LIFR: variants seen among roughly 807,000 people sequenced by gnomAD.
The protein encoded by LIFR is LIF receptor subunit alpha.
A neutral mutation model predicts 122.2 loss-of-function variants in LIFR; 84 were observed. The ratio of observed to expected loss-of-function variants is 0.69; its 90% CI spans 0.58 to 0.82. The LOEUF is 0.82. Among genes scored for constraint, LIFR ranks in the 40% least tolerant of loss-of-function variants. The probability of loss-of-function intolerance (pLI) is 0.00; values close to 1 mark genes in which losing one functional copy is unlikely to be tolerated. For missense variants in LIFR, 1,294 were observed against 1,311.6 expected (o/e 0.99, Z 0.21); for synonymous variants, 422 against 434.7 (o/e 0.97, Z 0.36).
chr5:38,475,639 T>C lies in LIFR; in HGVS notation c.*5956A>G, dbSNP rs1368250857. ...AAAAAAACATTCATTCTACAAACCT[T>C]ATAAAAGACAGAAACTTATATCTGT... On this transcript the variant is annotated 3_prime_UTR_variant, in exon 20 of 20. Transcript: ENST00000453190. 1.1e-5 allele frequency: 2 copies of C among 185,536 alleles called. No homozygotes were observed. The highest frequency in any genetic ancestry group is 1.1e-5 in the Non-Finnish European group (1 of 87,490). The allele number at this position is 185,536 out of a possible 1,614,324, so 11.5% of individuals were successfully genotyped here. A position where few individuals can be genotyped will look rare whatever the true frequency, so the allele number is the denominator to read the frequency against.
intron 1 of LIFR, among the ~76,000 whole-genome samples, chr5:38,545,309 T>C (rs1276972691): frequency 6.6e-6 from 1 of 152,052 alleles, no homozygotes; most frequent in Non-Finnish European, 1.5e-5. Flanking sequence ...AGACAGAATG[T>C]ACATACGGTT....
intron 12 of LIFR, among the ~76,000 whole-genome samples, chr5:38,498,097 A>G (rs1189897147): frequency 6.6e-6 from 1 of 152,208 alleles, no homozygotes. Flanking sequence ...TCTCTGGTCA[A>G]GACTGAGGAT....
intron 1 of LIFR, among the ~76,000 whole-genome samples, chr5:38,561,653 C>A (rs1325813448): frequency 6.6e-6 from 1 of 152,188 alleles, no homozygotes; most frequent in Non-Finnish European, 1.5e-5. Context: ...TAAATATTTG[C>A]TGTGAATGTT....
At chr5:38,602,493 C>G (rs1750239695) in intron 2 of LIFR, among the ~76,000 whole-genome samples, 1 of 150,090 alleles carries the variant, frequency 6.7e-6, no homozygotes. Context: ...GAGGCCTTCT[C>G]TTTTCTTTTT....
At chr5:38,506,462 G>A (rs1745488267) in intron 8 of LIFR, 41 bp downstream of exon 8, 12 of 1,611,478 alleles carry the variant, frequency 7.4e-6, no homozygotes, top group African/African-American at 2.7e-5. Context: ...CACTTCCAAC[G>A]TACTCCTTGC....
chr5:38,591,008 T>C (rs1287481970), intron 1 of LIFR, among the ~76,000 whole-genome samples: 3 of 152,198 alleles, frequency 2.0e-5, no homozygotes, highest in African/African-American at 7.2e-5. Context: ...CAAATGATGA[T>C]ATAAATAAAT....
At chr5:38,530,485 C>G in intron 2 of LIFR, 21 bp downstream of exon 2, 1 of 1,602,338 alleles carries the variant, frequency 6.2e-7, no homozygotes, top group Admixed American at 1.7e-5. Context: ...TGTTCATTCT[C>G]TGGAAGGCTG....
At chr5:38,497,087 G>A (rs1744922205) in intron 12 of LIFR, among the ~76,000 whole-genome samples, 1 of 152,198 alleles carries the variant, frequency 6.6e-6, no homozygotes, top group Admixed American at 6.5e-5. Context: ...CATGAGGTCA[G>A]CAGTTCGAGA....
intron 5 of LIFR, among the ~76,000 whole-genome samples, chr5:38,522,296 G>A (rs1180298109): frequency 2.0e-5 from 3 of 152,186 alleles, no homozygotes; most frequent in East Asian, 1.9e-4. Flanking sequence ...CACTGCTGGT[G>A]TTCTGCTGGC....
chr5:38,506,401 CTTGT>C (rs1370526707), intron 8 of LIFR, 98 bp downstream of exon 8: 3 of 1,408,968 alleles, frequency 2.1e-6, no homozygotes, highest in Non-Finnish European at 3.0e-6. Context: ...GGTTTTATAT[CTTGT>C]TTGTAACATA....
At chr5:38,553,648 A>G (rs1257764104) in intron 1 of LIFR, among the ~76,000 whole-genome samples, 2 of 102,202 alleles carry the variant, frequency 2.0e-5, no homozygotes, top group Middle Eastern at 4.4e-3. Context: ...ATATATATAT[A>G]TATATATATA....
chr5:38,524,756 CA>C (rs563217447), intron 4 of LIFR, among the ~76,000 whole-genome samples: 235 of 152,212 alleles, frequency 1.5e-3, no homozygotes, highest in African/African-American at 5.3e-3. Context: ...AGCATGAACA[CA>C]AAGACATAAA....
At chr5:38,521,336 T>G (rs1230947531) in intron 5 of LIFR, among the ~76,000 whole-genome samples, 1 of 152,210 alleles carries the variant, frequency 6.6e-6, no homozygotes, top group Non-Finnish European at 1.5e-5. Context: ...GTCTTTACAC[T>G]TTTCTAGATA....
At chr5:38,507,744 T>C (rs1212181780) in intron 7 of LIFR, among the ~76,000 whole-genome samples, 1 of 152,072 alleles carries the variant, frequency 6.6e-6, no homozygotes, top group Non-Finnish European at 1.5e-5. Flanking sequence ...AAAAACTACT[T>C]GTTTAAAAAT....
At chr5:38,598,245 A>ATTTT (rs1396004381), upstream of LIFR, among the ~76,000 whole-genome samples, 35 of 46,756 alleles carry the variant, frequency 7.5e-4, no homozygotes, top group South Asian at 1.7e-3. Flanking sequence ...TTATTTATTT[A>ATTTT]TTTTTTTTTT....
Position 38,545,730 on chromosome 5 carries a change from C to T in LIFR, c.-20+10604G>A, listed in dbSNP as rs551135086. 4.6e-5 allele frequency among the ~76,000 whole-genome samples: 7 copies of T among 151,604 alleles called. No individual in the cohort carries two copies. The South Asian group carries it at 1.0e-3, about 23-fold the overall frequency. On this transcript the variant is annotated intron_variant, in intron 1 of 19. Transcript: ENST00000453190. ...TCAAAAAATTCGCGGGGCATGGTGG[C>T]GGGCGCCTGTAGTCCCAGCTATGTG...
chr5:38,569,542 T>G (rs1403209081), intron 1 of LIFR, among the ~76,000 whole-genome samples: 2 of 152,212 alleles, frequency 1.3e-5, no homozygotes, highest in Admixed American at 6.5e-5. Flanking sequence ...ATACTCCTTA[T>G]GAGAATCTAA....
At chr5:38,548,528 G>C (rs1305439516) in intron 1 of LIFR, among the ~76,000 whole-genome samples, 1 of 152,092 alleles carries the variant, frequency 6.6e-6, no homozygotes, top group Non-Finnish European at 1.5e-5. Context: ...TCATTCACAG[G>C]GCAGAGACAT....
At chr5:38,580,221 T>C (rs541314010) in intron 1 of LIFR, among the ~76,000 whole-genome samples, 108 of 152,340 alleles carry the variant, frequency 7.1e-4, no homozygotes, top group Non-Finnish European at 7.8e-4. Flanking sequence ...GGGATACTCA[T>C]AAGGTGCAAT....
Sources: allele counts gnomAD v4.1 joint callset (sites outside exome capture counted in the v4.1 genomes callset), GRCh38; gene constraint gnomAD v4.1.1; transcripts MANE v1.5; gene names NCBI Gene and HGNC (gene_info 2026-07-23, HGNC 2026-07-21).